BACH2: variants seen among roughly 807,000 people sequenced by gnomAD.
The protein encoded by BACH2 is BACH transcriptional regulator 2.
BACH2 carries 5 observed loss-of-function variants against 61.8 expected under a neutral mutation model. The ratio of observed to expected loss-of-function variants is 0.08; its 90% CI spans 0.04 to 0.17. The LOEUF (loss-of-function observed/expected upper bound fraction) is 0.17. Ranked by LOEUF, BACH2 falls within the 10% of genes least tolerant of loss-of-function variation. The probability of loss-of-function intolerance (pLI) is 1.00; values close to 1 mark genes in which losing one functional copy is unlikely to be tolerated. For missense variants in BACH2, 824 were observed against 1,091.1 expected (o/e 0.76, Z 3.45); for synonymous variants, 446 against 440.1 (o/e 1.01, Z -0.17).
intron 5 of BACH2, among the ~76,000 whole-genome samples, chr6:90,019,602 CT>C (rs80172964): frequency 0.17 from 25,492 of 152,140 alleles, 2,902 homozygotes; most frequent in African/African-American, 0.31. Context: ...GGGATACTGT[CT>C]TTTTTAACTG....
At chr6:90,122,901 G>A (rs976754087) in intron 4 of BACH2, among the ~76,000 whole-genome samples, 1 of 152,166 alleles carries the variant, frequency 6.6e-6, no homozygotes, top group Admixed American at 6.5e-5. Context: ...ATAAAAAAGA[G>A]ACATAAAACC....
chr6:89,943,906 G>GGA (rs1218079249), intron 7 of BACH2, among the ~76,000 whole-genome samples: 1 of 152,200 alleles, frequency 6.6e-6, no homozygotes, highest in Non-Finnish European at 1.5e-5. Flanking sequence ...TGTACTCTGA[G>GGA]GAGACCCTCA....
At chr6:90,199,993 G>A (rs1309447249) in intron 4 of BACH2, among the ~76,000 whole-genome samples, 1 of 152,030 alleles carries the variant, frequency 6.6e-6, no homozygotes, top group Non-Finnish European at 1.5e-5. Context: ...ACAAATGATC[G>A]CAGACCCTAA....
At chr6:90,108,515 A>G (rs1783023384) in intron 4 of BACH2, among the ~76,000 whole-genome samples, 1 of 152,212 alleles carries the variant, frequency 6.6e-6, no homozygotes, top group African/African-American at 2.4e-5. Flanking sequence ...CTGAAAGTGA[A>G]CTACCAAAGA....
chr6:90,243,734 C>T (rs1770535213), intron 3 of BACH2, among the ~76,000 whole-genome samples: 1 of 152,116 alleles, frequency 6.6e-6, no homozygotes, highest in African/African-American at 2.4e-5. Flanking sequence ...AGCTAGCATC[C>T]TTTTCTCAGC....
chr6:90,192,345 A>C (rs1332683802), intron 4 of BACH2, among the ~76,000 whole-genome samples: 1 of 151,928 alleles, frequency 6.6e-6, no homozygotes, highest in Non-Finnish European at 1.5e-5. Flanking sequence ...CAACAGGTAA[A>C]TCTAAATAAT....
intron 4 of BACH2, among the ~76,000 whole-genome samples, chr6:90,102,791 AAAT>A (rs372366852): frequency 0.2 from 22,229 of 113,410 alleles, 2,136 homozygotes; most frequent in East Asian, 0.35. Flanking sequence ...ACTCCATTTC[AAAT>A]AATAATAATA....
intron 6 of BACH2, among the ~76,000 whole-genome samples, chr6:89,978,281 T>C (rs1054006026): frequency 6.6e-6 from 1 of 152,092 alleles, no homozygotes; most frequent in Non-Finnish European, 1.5e-5. Context: ...TCTGGAAAAC[T>C]GATACCATTA....
intron 5 of BACH2, among the ~76,000 whole-genome samples, chr6:90,027,227 G>A (rs143561998): frequency 3.3e-4 from 50 of 152,222 alleles, no homozygotes; most frequent in Non-Finnish European, 5.4e-4. Flanking sequence ...CAGAGAACAC[G>A]GGGAAAAGGC....
chr6:90,031,550 T>C (rs977856439), intron 5 of BACH2, among the ~76,000 whole-genome samples: 6 of 152,156 alleles, frequency 3.9e-5, no homozygotes, highest in Admixed American at 6.5e-5. Flanking sequence ...AGCATTCTTA[T>C]ACACCAATAA....
intron 4 of BACH2, among the ~76,000 whole-genome samples, chr6:90,140,158 C>G (rs1470142358): frequency 6.6e-6 from 1 of 152,156 alleles, no homozygotes; most frequent in Non-Finnish European, 1.5e-5. Flanking sequence ...GCAGTCCATC[C>G]CTTTAAGACT....
intron 5 of BACH2, among the ~76,000 whole-genome samples, chr6:90,085,983 T>C (rs1231859697): frequency 2.0e-5 from 3 of 152,180 alleles, no homozygotes; most frequent in Non-Finnish European, 4.4e-5. Flanking sequence ...ACAACAACTT[T>C]CAATTTTTCC....
intron 6 of BACH2, among the ~76,000 whole-genome samples, chr6:89,985,455 C>T (rs1380289450): frequency 3.3e-5 from 5 of 152,086 alleles, no homozygotes; most frequent in Admixed American, 6.5e-5. Context: ...GGCAGCAGTC[C>T]AGTGGGGGCG....
chr6:90,248,319 T>A (rs527504848), intron 3 of BACH2, among the ~76,000 whole-genome samples: 73 of 152,330 alleles, frequency 4.8e-4, no homozygotes, highest in African/African-American at 1.5e-3. Context: ...AAAATATTTT[T>A]AAATTATTAT....
At chr6:90,164,359 C>G (rs1161291742) in intron 4 of BACH2, among the ~76,000 whole-genome samples, 1 of 152,104 alleles carries the variant, frequency 6.6e-6, no homozygotes, top group Non-Finnish European at 1.5e-5. Flanking sequence ...CAAGACTAAA[C>G]CAGGAACAAG....
chr6:90,280,461 C>T (rs190435495), intron 1 of BACH2, among the ~76,000 whole-genome samples: 1 of 152,252 alleles, frequency 6.6e-6, no homozygotes, highest in East Asian at 1.9e-4. Context: ...CATGTAACAT[C>T]CCAAGGTGTT....
chr6:90,148,704 G>A (rs1784705645), intron 4 of BACH2, among the ~76,000 whole-genome samples: 1 of 151,872 alleles, frequency 6.6e-6, no homozygotes, highest in Non-Finnish European at 1.5e-5. Flanking sequence ...ACACACACAC[G>A]CATACACGCA....
intron 4 of BACH2, among the ~76,000 whole-genome samples, chr6:90,104,004 C>T (rs937508770): frequency 6.6e-6 from 1 of 152,194 alleles, no homozygotes; most frequent in Non-Finnish European, 1.5e-5. Flanking sequence ...CAGTGACCGA[C>T]AAAGTGGCAA....
rs185576497 is a variant in BACH2 at position 89,986,201 on chromosome 6, A to G, written c.243+22401T>C. 3.0e-4 allele frequency among the ~76,000 whole-genome samples: 45 copies of G among 149,228 alleles called. 1 individual carries two copies. The highest frequency in any genetic ancestry group is 1.1e-3 in the African/African-American group (45 of 40,298). On this transcript the variant is annotated intron_variant, in intron 6 of 8. Transcript: ENST00000257749. ...CTCTGTAAGGATGGCTTTTTTCGGTATGTGTGTTAAAGTCTGAGTTTTTTT... is the reference window on the plus strand; with the variant it reads ...CTCTGTAAGGATGGCTTTTTTCGGTGTGTGTGTTAAAGTCTGAGTTTTTTT...
Sources: allele counts gnomAD v4.1 joint callset (sites outside exome capture counted in the v4.1 genomes callset), GRCh38; gene constraint gnomAD v4.1.1; transcripts MANE v1.5; gene names NCBI Gene and HGNC (gene_info 2026-07-23, HGNC 2026-07-21).